The following ATG7 variants were observed in gnomAD, a reference collection of about 807,000 sequenced individuals.
The protein encoded by ATG7 is ubiquitin-like modifier-activating enzyme ATG7.
In ATG7, 70 loss-of-function variants were observed where a neutral mutation model predicts 82.4. The ratio of observed to expected loss-of-function variants is 0.85; its 90% CI spans 0.70 to 1.04. ATG7 has a LOEUF of 1.04. Ranked by LOEUF, ATG7 falls within the 50% of genes least tolerant of loss-of-function variation. The pLI is 0.00. For synonymous variants in ATG7, 287 were observed against 313.0 expected (o/e 0.92, Z 0.88); for missense variants, 792 against 864.3 (o/e 0.92, Z 1.05).
rs146589465 is a variant in ATG7, at chr3:11,360,667, C to G, written c.1566C>G (p.Asp522Glu). ...AACCAAAGCAGCAAGGAGCTGGGGACTTGTGTCCAAACCACCCTGTGGCAT... is the reference window on the plus strand; with the variant it reads ...AACCAAAGCAGCAAGGAGCTGGGGAGTTGTGTCCAAACCACCCTGTGGCAT... The part of the protein sequence containing the change: ...LKKPKQQGAG[D>E]LCPNHPVASA... The change falls in exon 16 of 21, where the codon GAC becomes GAG. Residue 522 changes from aspartate (D) to glutamate (E), a missense_variant. Asp to Glu is a conservative substitution (Grantham distance 45). Transcript: ENST00000693202. 7.2e-4 allele frequency: 1,162 copies of G among 1,614,178 alleles called. 2 individuals are homozygous for G. The highest frequency in any genetic ancestry group is 8.8e-4 in the Non-Finnish European group (1,034 of 1,180,020).
At chr3:11,294,486 G>T (rs1945528435) in intron 3 of ATG7, among the ~76,000 whole-genome samples, 1 of 152,112 alleles carries the variant, frequency 6.6e-6, no homozygotes, top group Non-Finnish European at 1.5e-5. Context: ...GCCTCCCAAA[G>T]TACTAGGATT....
At chr3:11,429,617 A>G (rs185720568) in intron 20 of ATG7, among the ~76,000 whole-genome samples, 1 of 152,022 alleles carries the variant, frequency 6.6e-6, no homozygotes, top group South Asian at 2.1e-4. Flanking sequence ...AGCAAAGTTT[A>G]TAGATAATGC....
Position 11,362,909 on chromosome 3 carries a change from G to C in ATG7, c.1780G>C (p.Val594Leu). The part of the protein sequence containing the change: ...GALAVELMVS[V>L]LQHPEGGYAI... ...CCTGGCCGTGGAATTGATGGTATCT[G>C]TTTTGCAGCATCCAGAAGGGTGAGT... Residue 594 changes from valine to leucine, a missense_variant, in exon 17 of 21, where the codon GTT becomes CTT. Physicochemically the swap from Val to Leu is conservative, Grantham distance 32 (BLOSUM62 1). Coordinates refer to ENST00000693202, the MANE Select transcript of ATG7 (RefSeq NM_001349232.2). 2 of 1,613,906 alleles carry C rather than the reference G, an allele frequency of 1.2e-6. No homozygotes were observed. The highest frequency in any genetic ancestry group is 2.2e-5 in the South Asian group (2 of 91,004).
At chr3:11,445,367 C>T (rs2084438036) in intron 20 of ATG7, among the ~76,000 whole-genome samples, 1 of 152,178 alleles carries the variant, frequency 6.6e-6, no homozygotes, top group Non-Finnish European at 1.5e-5. Flanking sequence ...GAATACTATG[C>T]AGCCATAAAA....
intron 20 of ATG7, among the ~76,000 whole-genome samples, chr3:11,503,268 C>T (rs115828656): frequency 0.012 from 1,874 of 152,130 alleles, 34 homozygotes; most frequent in African/African-American, 0.042. Context: ...ACCAAGTATT[C>T]CCAGATGTCT....
chr3:11,573,304 A>AAAGAAAGG, the ATG7 span, among the ~76,000 whole-genome samples: 5 of 12,066 alleles, frequency 4.1e-4, no homozygotes, highest in Admixed American at 8.9e-4. Flanking sequence ...AGAAAGAAAG[A>AAAGAAAGG]AAGGAAGGAA....
At chr3:11,329,768 C>T (rs1951383215) in intron 9 of ATG7, among the ~76,000 whole-genome samples, 1 of 152,166 alleles carries the variant, frequency 6.6e-6, no homozygotes, top group Non-Finnish European at 1.5e-5. Flanking sequence ...TATATCACCA[C>T]GGTTCATTTG....
intron 19 of ATG7, among the ~76,000 whole-genome samples, chr3:11,396,148 A>G (rs1478176713): frequency 2.0e-5 from 3 of 151,654 alleles, no homozygotes; most frequent in Non-Finnish European, 2.9e-5. Context: ...AAGTGGTTAA[A>G]GATGGGGATA....
Position 11,347,934 on chromosome 3 carries a change from C to G in ATG7, c.1183C>G (p.Pro395Ala). The change falls in exon 14 of 21, where the codon CCT (proline) becomes GCT (alanine). Residue 395 changes from proline (P) to alanine (A), a missense_variant. Transcript: ENST00000693202. The part of the protein sequence containing the change: ...VDNAKISYSN[P>A]VRQPLYEFED... ...CAATGCCAAGATCTCCTACTCCAAT[C>G]CTGTGAGGCAGCCTCTCTATGAGTT... The G allele has an allele frequency of 6.2e-7, 1 of 1,614,220 alleles. No individual in the cohort carries two copies. The highest frequency in any genetic ancestry group is 8.5e-7 in the Non-Finnish European group (1 of 1,180,024).
At chr3:11,441,238 A>T (rs1182191116) in intron 20 of ATG7, among the ~76,000 whole-genome samples, 1 of 151,990 alleles carries the variant, frequency 6.6e-6, no homozygotes, top group African/African-American at 2.4e-5. Flanking sequence ...TTGGATTTTT[A>T]AATTTTTTAT....
At chr3:11,467,489 G>A (rs1236544820) in intron 20 of ATG7, among the ~76,000 whole-genome samples, 1 of 152,154 alleles carries the variant, frequency 6.6e-6, no homozygotes, top group Non-Finnish European at 1.5e-5. Flanking sequence ...CGATTCTTCT[G>A]CCTCAGCCTC....
At chr3:11,387,901 CAG>C (rs1157771757) in intron 19 of ATG7, among the ~76,000 whole-genome samples, 1 of 152,114 alleles carries the variant, frequency 6.6e-6, no homozygotes, top group Non-Finnish European at 1.5e-5. Flanking sequence ...ACCTGGGAGG[CAG>C]AGTTTGCAGT....
In ATG7 at chr3:11,388,347, G is replaced by T. The variant is rs373977100; in HGVS notation, c.1956+8295G>T. ...TACTAACTCTCCTCAGAGTTCAGAC[G>T]GTTAGTTCTCCCTCTGCTAGCAGGG... is the stretch of plus-strand genomic sequence containing the variant. On this transcript the variant is annotated intron_variant, in intron 19 of 20. Coordinates refer to ENST00000693202, the MANE Select transcript of ATG7 (RefSeq NM_001349232.2). Among the ~76,000 whole-genome samples the T allele has an allele frequency of 1.9e-4, 29 of 152,156 alleles. 1 individual carries two copies. In the South Asian group the frequency reaches 5.8e-3, roughly 31 times the overall value.
At chr3:11,500,782 C>A (rs980733783) in intron 20 of ATG7, among the ~76,000 whole-genome samples, 1 of 152,218 alleles carries the variant, frequency 6.6e-6, no homozygotes, top group African/African-American at 2.4e-5. Flanking sequence ...AGGCGTGCGC[C>A]ACCACACCCA....
chr3:11,528,935 A>G (rs1285092400), intron 20 of ATG7, among the ~76,000 whole-genome samples: 7 of 152,130 alleles, frequency 4.6e-5, no homozygotes, highest in African/African-American at 1.2e-4. Flanking sequence ...ATGACTGCAT[A>G]TTCGGTCAGA....
intron 20 of ATG7, among the ~76,000 whole-genome samples, chr3:11,481,496 A>G (rs1357762174): frequency 6.6e-6 from 1 of 152,228 alleles, no homozygotes; most frequent in Non-Finnish European, 1.5e-5. Flanking sequence ...TTTTACGTGC[A>G]GGTGCTGAGG....
chr3:11,464,247 C>G (rs780005732), intron 20 of ATG7, among the ~76,000 whole-genome samples: 1 of 152,100 alleles, frequency 6.6e-6, no homozygotes, highest in Non-Finnish European at 1.5e-5. Context: ...TGTTATGCAC[C>G]TGAAGTCCCA....
chr3:11,358,261 G>T (rs2076060681), intron 14 of ATG7, among the ~76,000 whole-genome samples, 157 bp from the exon 15 acceptor site: 1 of 152,166 alleles, frequency 6.6e-6, no homozygotes, highest in Non-Finnish European at 1.5e-5. Flanking sequence ...CAGAGGTGAA[G>T]AAGAGAGAGG....
chr3:11,293,544 A>G lies in ATG7; in HGVS notation c.-10-5142A>G, dbSNP rs541568393. On this transcript the variant is annotated intron_variant, in intron 3 of 20. Transcript: ENST00000693202. ...AGACTCTGTCTCAAAAAAAAAAAAA[A>G]AAAGAAAGAAAGTGAATGACTGGCC... Among the ~76,000 whole-genome samples the G allele has an allele frequency of 4.3e-4, 63 of 147,152 alleles. 1 individual carries two copies. The highest frequency in any genetic ancestry group is 1.7e-3 in the South Asian group (8 of 4,578).
Sources: allele counts gnomAD v4.1 joint callset (sites outside exome capture counted in the v4.1 genomes callset), GRCh38; gene constraint gnomAD v4.1.1; transcripts MANE v1.5; gene names NCBI Gene and HGNC (gene_info 2026-07-23, HGNC 2026-07-21).